Variants in FAM13A observed in about 807,000 individuals in gnomAD.
FAM13A encodes the protein protein FAM13A.
Under a neutral mutation model 129.6 loss-of-function variants are expected in FAM13A, and 76 were observed. That is an observed-to-expected ratio of 0.59 (90% CI 0.49 to 0.71). FAM13A has a LOEUF of 0.71. FAM13A is among the 30% of genes least tolerant of loss of function. FAM13A has a pLI of 0.00. For missense variants in FAM13A, 1,108 were observed against 1,249.3 expected (o/e 0.89, Z 1.70); for synonymous variants, 443 against 449.9 (o/e 0.98, Z 0.20).
rs369975933 is a variant in FAM13A, at chr4:88,917,711, CT to C, written c.760-11250del. Among the ~76,000 whole-genome samples, 28 of 152,258 alleles carry C rather than the reference CT, an allele frequency of 1.8e-4. 1 individual carries two copies. The highest frequency in any genetic ancestry group is 6.7e-4 in the African/African-American group (28 of 41,566). ...TCAGATGCTTAAAGGACTTTTCAAT[CT>C]TTTTTCTCTTTATGGTGCTGAAGTA... On this transcript the variant is annotated intron_variant, in intron 5 of 23. Transcript: ENST00000264344.
chr4:88,929,462 A>C (rs535270072), intron 5 of FAM13A, among the ~76,000 whole-genome samples: 2 of 151,354 alleles, frequency 1.3e-5, no homozygotes, highest in Admixed American at 1.3e-4. Context: ...AGTTTTCATC[A>C]ATTATTTCCT....
At chr4:88,731,923 T>C in intron 22 of FAM13A, 79 bp downstream of exon 22, 4 of 1,111,724 alleles carry the variant, frequency 3.6e-6, no homozygotes, top group Non-Finnish European at 5.1e-6. Flanking sequence ...GCTAATTTAT[T>C]TAGATACAAA....
At chr4:88,882,965 C>T (rs1248479591) in intron 6 of FAM13A, among the ~76,000 whole-genome samples, 2 of 152,038 alleles carry the variant, frequency 1.3e-5, no homozygotes, top group East Asian at 3.9e-4. Context: ...GAAAATATCA[C>T]AATCCTAAAT....
chr4:88,864,885 C>G (rs1379658058), intron 6 of FAM13A, among the ~76,000 whole-genome samples: 1 of 152,140 alleles, frequency 6.6e-6, no homozygotes, highest in African/African-American at 2.4e-5. Context: ...GGCATAAAAC[C>G]TATGCATAGT....
intron 5 of FAM13A, among the ~76,000 whole-genome samples, chr4:88,924,502 T>C (rs1179600083): frequency 6.6e-6 from 1 of 152,212 alleles, no homozygotes; most frequent in Admixed American, 6.5e-5. Flanking sequence ...GCTAGCCATA[T>C]GTAGAAAGCT....
chr4:88,825,072 G>C (rs1263390583), intron 7 of FAM13A, among the ~76,000 whole-genome samples: 1 of 152,036 alleles, frequency 6.6e-6, no homozygotes, highest in African/African-American at 2.4e-5. Context: ...GAGTAAACTT[G>C]GTACTAGAAA....
chr4:88,774,190 C>T (rs1198202178), intron 11 of FAM13A, among the ~76,000 whole-genome samples: 1 of 152,180 alleles, frequency 6.6e-6, no homozygotes, highest in Non-Finnish European at 1.5e-5. Context: ...TTCAGTGAGG[C>T]CTGACTTGAA....
Position 88,991,107 on chromosome 4 carries a change from T to A in FAM13A, c.471A>T (p.Ile157=). ...DVQESSLRDL[I]KELPDTHYCL... The stretch of plus-strand genomic sequence containing the variant: ...AGTAGTGGGTGTCTGGCAGCTCTTT[T>A]ATTAAGTCTCTTAAGCTACTCTCCT... Residue 157 remains isoleucine, a synonymous_variant, in exon 4 of 24, where the codon ATA becomes ATT. Coordinates refer to ENST00000264344, the MANE Select transcript of FAM13A (RefSeq NM_014883.4). 6.2e-7 allele frequency: 1 copy of A among 1,613,980 alleles called. No individual in the cohort carries two copies. Among genetic ancestry groups the A allele is most frequent in the Non-Finnish European group, 8.5e-7 (1 of 1,179,916 alleles).
intron 3 of FAM13A, among the ~76,000 whole-genome samples, chr4:88,996,186 C>G (rs978071627): frequency 6.6e-6 from 1 of 152,212 alleles, no homozygotes; most frequent in Non-Finnish European, 1.5e-5. Flanking sequence ...CAGATCATTA[C>G]TGTCTGATTA....
chr4:89,019,357 T>C (rs1011387291), intron 3 of FAM13A, among the ~76,000 whole-genome samples: 5 of 152,214 alleles, frequency 3.3e-5, no homozygotes, highest in African/African-American at 1.2e-4. Flanking sequence ...CTTTCTTCTC[T>C]AATTTGGGAA....
At chr4:88,729,064 T>G (rs956798113) in intron 23 of FAM13A, 1 of 125,058 alleles carries the variant, frequency 8.0e-6, no homozygotes, top group Admixed American at 7.6e-5. Flanking sequence ...ACTTAGTTTT[T>G]TTTTTTTTTT....
chr4:88,961,402 C>T (rs1758599080), intron 4 of FAM13A, among the ~76,000 whole-genome samples: 2 of 88,742 alleles, frequency 2.3e-5, no homozygotes, highest in African/African-American at 4.4e-5. Flanking sequence ...GAGTCTTGCT[C>T]TGTCATCCAG....
chr4:88,994,137 G>A (rs990400262), intron 3 of FAM13A, among the ~76,000 whole-genome samples: 3 of 152,116 alleles, frequency 2.0e-5, no homozygotes, highest in South Asian at 2.1e-4. Flanking sequence ...CAGATTCATC[G>A]ATTCCTGGAT....
chr4:88,978,749 C>T (rs180765716), intron 4 of FAM13A, among the ~76,000 whole-genome samples: 4 of 151,676 alleles, frequency 2.6e-5, no homozygotes, highest in African/African-American at 4.8e-5. Flanking sequence ...AGCCGAGATC[C>T]GGCCACTGCA....
intron 16 of FAM13A, among the ~76,000 whole-genome samples, chr4:88,749,372 C>A (rs1270744397): frequency 1.3e-5 from 2 of 152,172 alleles, no homozygotes; most frequent in Non-Finnish European, 2.9e-5. Context: ...TTTTGCTCAG[C>A]AACCGTCACA....
chr4:88,791,892 T>C (rs1480661090), intron 8 of FAM13A, among the ~76,000 whole-genome samples: 1 of 152,050 alleles, frequency 6.6e-6, no homozygotes, highest in Non-Finnish European at 1.5e-5. Flanking sequence ...ACCACCACCA[T>C]CATGTCTTCC....
chr4:88,905,322 A>G (rs998298491), intron 6 of FAM13A, among the ~76,000 whole-genome samples: 2 of 152,138 alleles, frequency 1.3e-5, no homozygotes, highest in African/African-American at 4.8e-5. Context: ...TTTTTAGTAC[A>G]GATGGGGTTT....
At chr4:88,778,410 C>T (rs939957667) in intron 11 of FAM13A, among the ~76,000 whole-genome samples, 3 of 152,194 alleles carry the variant, frequency 2.0e-5, no homozygotes, top group African/African-American at 7.2e-5. Flanking sequence ...GTGATTTTGT[C>T]AATTCTATCT....
chr4:89,034,953 A>G (rs1315856009), intron 1 of FAM13A, among the ~76,000 whole-genome samples: 1 of 152,216 alleles, frequency 6.6e-6, no homozygotes, highest in Non-Finnish European at 1.5e-5. Flanking sequence ...CACTGTTCAT[A>G]ATATCAAAGA....
Sources: allele counts gnomAD v4.1 joint callset (sites outside exome capture counted in the v4.1 genomes callset), GRCh38; gene constraint gnomAD v4.1.1; transcripts MANE v1.5; gene names NCBI Gene and HGNC (gene_info 2026-07-23, HGNC 2026-07-21).